The following USH2A variants were observed in gnomAD, a reference collection of about 807,000 sequenced individuals.
USH2A encodes the protein Usher syndrome 2A (autosomal recessive, mild).
In USH2A, 443 loss-of-function variants were observed where a neutral mutation model predicts 538.9. The observed-to-expected ratio is 0.82, with a 90% CI of 0.76 to 0.89. USH2A has a LOEUF of 0.89. Ranked by LOEUF, USH2A falls within the 40% of genes least tolerant of loss-of-function variation. USH2A has a pLI of 0.00. For missense variants in USH2A, 6,633 were observed against 6,324.8 expected (o/e 1.05, Z -1.65); for synonymous variants, 2,413 against 2,273.5 (o/e 1.06, Z -1.75).
chr1:215,967,682 T>C (rs962346158), intron 36 of USH2A, among the ~76,000 whole-genome samples: 2 of 152,084 alleles, frequency 1.3e-5, no homozygotes, highest in South Asian at 2.1e-4. Context: ...TAGCGTTTGC[T>C]TGACTATATT....
At chr1:216,332,941 C>G (rs553297733) in intron 4 of USH2A, among the ~76,000 whole-genome samples, 1 of 152,014 alleles carries the variant, frequency 6.6e-6, no homozygotes, top group Non-Finnish European at 1.5e-5. Flanking sequence ...TGCAAAGAAA[C>G]TCCTACAAAC....
chr1:215,995,421 T>C (rs958783466), intron 34 of USH2A, among the ~76,000 whole-genome samples: 15 of 152,240 alleles, frequency 9.9e-5, no homozygotes, highest in African/African-American at 2.9e-4. Flanking sequence ...CACATTCTTT[T>C]TGGATGCATT....
intron 21 of USH2A, among the ~76,000 whole-genome samples, chr1:216,104,731 T>G (rs2032688933): frequency 1.3e-5 from 2 of 152,136 alleles, no homozygotes; most frequent in South Asian, 4.1e-4. Flanking sequence ...GAAGAAAACC[T>G]AGGCAATACC....
intron 21 of USH2A, among the ~76,000 whole-genome samples, chr1:216,143,781 T>C (rs923166727): frequency 9.2e-5 from 14 of 152,180 alleles, no homozygotes; most frequent in African/African-American, 3.4e-4. Flanking sequence ...ATAGATGACC[T>C]TATGGAATTT....
chr1:215,977,197 G>A (rs12404098), intron 35 of USH2A, among the ~76,000 whole-genome samples: 14,968 of 151,940 alleles, frequency 0.099, 798 homozygotes, highest in Admixed American at 0.13. Flanking sequence ...TGTCAAGTTC[G>A]AAAATTGAAT....
intron 67 of USH2A, among the ~76,000 whole-genome samples, chr1:215,645,138 G>A (rs1383143861): frequency 6.6e-6 from 1 of 152,106 alleles, no homozygotes; most frequent in Non-Finnish European, 1.5e-5. Flanking sequence ...AAAATTACAA[G>A]ACAAGGAGTT....
At chr1:215,694,344 C>A (rs536674749) in intron 61 of USH2A, among the ~76,000 whole-genome samples, 2 of 152,116 alleles carry the variant, frequency 1.3e-5, no homozygotes, top group East Asian at 1.9e-4. Flanking sequence ...GAGGCCAAGG[C>A]GGGTAGATCA....
At chr1:215,626,666 C>G (rs1029890461) in intron 71 of USH2A, among the ~76,000 whole-genome samples, 3 of 152,078 alleles carry the variant, frequency 2.0e-5, no homozygotes, top group Non-Finnish European at 4.4e-5. Flanking sequence ...GCAAAAATGA[C>G]AATACAGTAT....
chr1:216,350,231 G>T (rs369632244), intron 4 of USH2A, among the ~76,000 whole-genome samples: 55 of 152,170 alleles, frequency 3.6e-4, no homozygotes, highest in African/African-American at 1.2e-3. Context: ...CCACCCTGGG[G>T]ATTACAACTG....
At chr1:215,724,615 C>A (rs531664299) in intron 61 of USH2A, among the ~76,000 whole-genome samples, 3 of 152,008 alleles carry the variant, frequency 2.0e-5, no homozygotes, top group Non-Finnish European at 4.4e-5. Context: ...TAAGTTTATA[C>A]AAAAATAAAA....
intron 20 of USH2A, among the ~76,000 whole-genome samples, chr1:216,183,870 A>C (rs778988416): frequency 6.6e-6 from 1 of 152,064 alleles, no homozygotes; most frequent in Non-Finnish European, 1.5e-5. Flanking sequence ...TTAGGCAATT[A>C]AAAAGTATTG....
At chr1:215,635,531 T>TTTTTTTTA (rs371509167) in intron 69 of USH2A, among the ~76,000 whole-genome samples, 3 of 142,068 alleles carry the variant, frequency 2.1e-5, no homozygotes, top group Non-Finnish European at 4.6e-5. Context: ...GTAGGATTAT[T>TTTTTTTTA]TTTATTTATT....
intron 49 of USH2A, among the ~76,000 whole-genome samples, chr1:215,801,546 CA>C (rs59487786): frequency 0.046 from 6,988 of 151,556 alleles, 286 homozygotes; most frequent in South Asian, 0.14. Context: ...ACAATAACAT[CA>C]AAAAAAGAAA....
chr1:215,861,396 A>G (rs538934432), intron 44 of USH2A, among the ~76,000 whole-genome samples: 11 of 152,348 alleles, frequency 7.2e-5, no homozygotes, highest in Admixed American at 7.2e-4. Context: ...GGTGAAACCT[A>G]AAATCTCCAA....
chr1:216,183,970 AAT>A (rs578063111), intron 20 of USH2A, among the ~76,000 whole-genome samples: 3 of 152,018 alleles, frequency 2.0e-5, no homozygotes, highest in Non-Finnish European at 4.4e-5. Flanking sequence ...ACAAGTGTAA[AAT>A]AATTTCTGTT....
chr1:216,345,508 A>C (rs962821139), intron 4 of USH2A, among the ~76,000 whole-genome samples: 1 of 152,174 alleles, frequency 6.6e-6, no homozygotes, highest in Non-Finnish European at 1.5e-5. Flanking sequence ...ATTTCTTACC[A>C]GTGAGACTTC....
chr1:215,803,988 C>T (rs949256553), intron 49 of USH2A, among the ~76,000 whole-genome samples: 1 of 152,170 alleles, frequency 6.6e-6, no homozygotes, highest in African/African-American at 2.4e-5. Context: ...CACATATCTA[C>T]AACTATCTGA....
At chr1:216,056,773 T>C (rs1028596100) in intron 30 of USH2A, among the ~76,000 whole-genome samples, 1 of 150,610 alleles carries the variant, frequency 6.6e-6, no homozygotes, top group Non-Finnish European at 1.5e-5. Context: ...AGAAATTCTA[T>C]GTGTGCATTT....
intron 3 of USH2A, among the ~76,000 whole-genome samples, chr1:216,376,246 TTGTC>T (rs1318380653): frequency 6.6e-6 from 1 of 152,120 alleles, no homozygotes; most frequent in Admixed American, 6.6e-5. Context: ...ATAAAACACA[TTGTC>T]TGTGAAGCAC....
Sources: allele counts gnomAD v4.1 joint callset (sites outside exome capture counted in the v4.1 genomes callset), GRCh38; gene constraint gnomAD v4.1.1; transcripts MANE v1.5; gene names NCBI Gene and HGNC (gene_info 2026-07-23, HGNC 2026-07-21).